The following SLC38A8 variants were observed in gnomAD, a reference collection of about 807,000 sequenced individuals.
SLC38A8 encodes amino acid transporter SLC38A8.
Under a neutral mutation model 46.0 loss-of-function variants are expected in SLC38A8, and 65 were observed. The observed-to-expected ratio is 1.41, with a 90% CI of 1.16 to 1.74. The LOEUF is 1.74. SLC38A8 is among the 40% of genes most tolerant of loss of function. The pLI is 0.00. For missense variants in SLC38A8, 998 were observed against 567.9 expected, an observed-to-expected ratio of 1.76 and a Z score of -7.70; for synonymous variants, 447 against 243.7, an observed-to-expected ratio of 1.83 and a Z score of -7.77.
At chr16:84,025,011 G>A (rs1176786714) in intron 6 of SLC38A8, among the ~76,000 whole-genome samples, 8 of 152,136 alleles carry the variant, frequency 5.3e-5, no homozygotes, top group East Asian at 3.9e-4. Context: ...AACATACACA[G>A]TCAATGCCAA....
At chr16:84,038,177 G>T (rs571562774) in intron 2 of SLC38A8, among the ~76,000 whole-genome samples, 3 of 152,118 alleles carry the variant, frequency 2.0e-5, no homozygotes, top group African/African-American at 7.2e-5. Context: ...CAGGCATGGT[G>T]GCACATGCCT....
rs549434681 is a variant in SLC38A8, at chr16:84,018,633, C to A, written c.806-1346G>T. On this transcript the variant is annotated intron_variant, in intron 7 of 10. Transcript: ENST00000299709. The stretch of plus-strand genomic sequence containing the variant: ...ATGCCTGCCTCTTATGTGGGCTGTT[C>A]AGCTGGACCTAGAAACTAAAATCAA... Among the ~76,000 whole-genome samples the A allele has an allele frequency of 5.3e-5, 8 of 152,304 alleles. No individual in the cohort carries two copies. The South Asian group carries it at 1.7e-3, about 32-fold the overall frequency.
intron 2 of SLC38A8, among the ~76,000 whole-genome samples, chr16:84,039,741 T>C (rs2085345937): frequency 2.1e-5 from 1 of 47,240 alleles, no homozygotes; most frequent in Non-Finnish European, 3.8e-5. Flanking sequence ...GAGTGAGACC[T>C]TCAAAAAAAA....
intron 5 of SLC38A8, among the ~76,000 whole-genome samples, chr16:84,031,589 CA>C (rs11306375): frequency 0.18 from 28,059 of 152,218 alleles, 2,959 homozygotes; most frequent in South Asian, 0.26. Context: ...ACTGTGGGGA[CA>C]AGTCTGCAAT....
rs2085372532 is a variant in SLC38A8 at position 84,041,994 on chromosome 16, A to T, written c.164T>A (p.Val55Glu). 1 of 1,607,510 alleles carries T rather than the reference A, an allele frequency of 6.2e-7. No homozygotes were observed. The highest frequency in any genetic ancestry group is 1.3e-5 in the African/African-American group (1 of 74,614). Residue 55 changes from valine (V) to glutamate (E), a missense_variant, in exon 2 of 11, where the codon GTG (valine) becomes GAG (glutamate). Transcript: ENST00000299709. Reference sequence around the variant, plus strand: ...CAGCTCCACCAGGAAGGCAGGGACCACTCCGCCCGCTTTGGAGAAGGCCCA... The same window carrying T: ...CAGCTCCACCAGGAAGGCAGGGACCTCTCCGCCCGCTTTGGAGAAGGCCCA... Reference protein sequence around the residue: ...FPWAFSKAGGVVPAFLVELVS... With the variant: ...FPWAFSKAGGEVPAFLVELVS...
intron 5 of SLC38A8, among the ~76,000 whole-genome samples, chr16:84,030,076 G>C (rs909087078): frequency 2.6e-5 from 4 of 152,198 alleles, no homozygotes; most frequent in African/African-American, 9.7e-5. Context: ...TGAAGTCATG[G>C]TGGATTAGGG....
Position 84,037,373 on chromosome 16 carries a change from G to C in SLC38A8, c.190-473C>G, listed in dbSNP as rs77634852. ...CCTCTGCTTTTCCATCTGTGAAATGGGGGCGGCACCGCCCCCTTGCAGGGG... is the reference window on the plus strand; with the variant it reads ...CCTCTGCTTTTCCATCTGTGAAATGCGGGCGGCACCGCCCCCTTGCAGGGG... On this transcript the variant is annotated intron_variant, in intron 2 of 10. Transcript: ENST00000299709. Among the ~76,000 whole-genome samples, 10 of 149,272 alleles carry C rather than the reference G, an allele frequency of 6.7e-5. 1 individual carries two copies. The East Asian group carries it at 2.0e-3, about 30-fold the overall frequency.
At chr16:84,013,249 T>C (rs1434546291) in intron 9 of SLC38A8, among the ~76,000 whole-genome samples, 197 bp from the exon 10 acceptor site, 5 of 152,012 alleles carry the variant, frequency 3.3e-5, no homozygotes, top group African/African-American at 1.2e-4. Context: ...CATGCCCTAA[T>C]GACTTAGGCA....
At chr16:84,016,838 T>C (rs2085032942) in intron 8 of SLC38A8, 111 bp from the exon 9 acceptor site, 1 of 1,221,774 alleles carries the variant, frequency 8.2e-7, no homozygotes, top group African/African-American at 1.5e-5. Flanking sequence ...AGTGCTCCTG[T>C]TCCACACTCA....
intron 6 of SLC38A8, among the ~76,000 whole-genome samples, chr16:84,024,423 C>T (rs72799222): frequency 3.3e-5 from 5 of 152,070 alleles, no homozygotes; most frequent in Non-Finnish European, 7.3e-5. Context: ...AAGCGACCCT[C>T]CTGCTTTGGC....
intron 5 of SLC38A8, among the ~76,000 whole-genome samples, chr16:84,030,327 C>T (rs1172406862): frequency 1.3e-5 from 2 of 152,154 alleles, no homozygotes; most frequent in East Asian, 3.9e-4. Flanking sequence ...CATATCCTAA[C>T]TCATCACCTC....
chr16:84,030,801 C>T (rs1369354944), intron 5 of SLC38A8, among the ~76,000 whole-genome samples: 1 of 152,136 alleles, frequency 6.6e-6, no homozygotes, highest in Non-Finnish European at 1.5e-5. Flanking sequence ...AAGACAGTGA[C>T]ATCAGAAGGG....
At chr16:84,031,174 G>T (rs2085233871) in intron 5 of SLC38A8, among the ~76,000 whole-genome samples, 1 of 152,000 alleles carries the variant, frequency 6.6e-6, no homozygotes, top group African/African-American at 2.4e-5. Flanking sequence ...TGAATAGCTG[G>T]GATTACAGAT....
chr16:84,039,079 T>A (rs1195125993), intron 2 of SLC38A8, among the ~76,000 whole-genome samples: 4 of 152,130 alleles, frequency 2.6e-5, no homozygotes, highest in East Asian at 3.9e-4. Flanking sequence ...TTGAGGTATG[T>A]CCTTGTAGAG....
intron 5 of SLC38A8, among the ~76,000 whole-genome samples, chr16:84,030,815 A>C (rs1273321225): frequency 2.6e-5 from 4 of 152,142 alleles, no homozygotes; most frequent in Non-Finnish European, 5.9e-5. Context: ...AGAAGGGTAC[A>C]CTGAGCATGG....
intron 2 of SLC38A8, among the ~76,000 whole-genome samples, chr16:84,038,528 C>A (rs1201361509): frequency 2.0e-5 from 3 of 152,172 alleles, no homozygotes; most frequent in African/African-American, 4.8e-5. Flanking sequence ...AATACTCTGG[C>A]GTGCCTACCA....
At chr16:84,015,930 C>G (rs747449678) in intron 9 of SLC38A8, among the ~76,000 whole-genome samples, 3 of 152,216 alleles carry the variant, frequency 2.0e-5, no homozygotes, top group African/African-American at 4.8e-5. Context: ...CCGCCTGCCT[C>G]GGCCTCCCAA....
At chr16:84,028,507 A>T in intron 6 of SLC38A8, among the ~76,000 whole-genome samples, 1 of 151,548 alleles carries the variant, frequency 6.6e-6, no homozygotes, top group East Asian at 1.9e-4. Context: ...GGTGCAGTGC[A>T]GTGAGCTGAG....
intron 4 of SLC38A8, 137 bp downstream of exon 4, chr16:84,033,191 A>T: frequency 1.7e-6 from 2 of 1,163,470 alleles, no homozygotes; most frequent in Middle Eastern, 4.1e-4. Context: ...TTTTACTTGT[A>T]TAATTTTTTT....
Sources: allele counts gnomAD v4.1 joint callset (sites outside exome capture counted in the v4.1 genomes callset), GRCh38; gene constraint gnomAD v4.1.1; transcripts MANE v1.5; gene names NCBI Gene and HGNC (gene_info 2026-07-23, HGNC 2026-07-21).